TIMM23B: variants seen among roughly 807,000 people sequenced by gnomAD.
TIMM23B encodes the protein translocase of inner mitochondrial membrane 23 homolog B, also known as mitochondrial import inner membrane translocase subunit Tim23B.
A neutral mutation model predicts 27.3 loss-of-function variants in TIMM23B; 27 were observed. The observed-to-expected ratio is 0.99, with a 90% CI of 0.73 to 1.36. The LOEUF is 1.36. Ranked by LOEUF, TIMM23B falls within the 40% of genes most tolerant of loss-of-function variation. The pLI is 0.00. For synonymous variants in TIMM23B, 73 were observed against 92.4 expected, an observed-to-expected ratio of 0.79 and a Z score of 1.21; for missense variants, 205 against 244.2, an observed-to-expected ratio of 0.84 and a Z score of 1.07.
At chr10:49,964,636 TAAATGAAATGATG>T (rs1427551340) in intron 6 of TIMM23B, among the ~76,000 whole-genome samples, 1 of 114,384 alleles carries the variant, frequency 8.7e-6, no homozygotes, top group African/African-American at 3.7e-5. Context: ...AAAAATGAAA[TAAATGAAATGATG>T]AAATGAAATA....
intron 2 of TIMM23B, among the ~76,000 whole-genome samples, chr10:49,945,455 A>G (rs1283539588): frequency 6.6e-6 from 1 of 152,108 alleles, no homozygotes; most frequent in Non-Finnish European, 1.5e-5. Flanking sequence ...ATCTCTGCTC[A>G]CTGCAACCTC....
At chr10:49,955,082 TAATA>T in intron 5 of TIMM23B, 22 bp downstream of exon 5, 1 of 1,609,482 alleles carries the variant, frequency 6.2e-7, no homozygotes. Flanking sequence ...TCTCGTTTGA[TAATA>T]AATTGTTAAC....
At chr10:49,959,601 A>G (rs1839831286) in intron 6 of TIMM23B, among the ~76,000 whole-genome samples, 1 of 152,224 alleles carries the variant, frequency 6.6e-6, no homozygotes, top group East Asian at 1.9e-4. Flanking sequence ...CTTAACGTCT[A>G]AAAGATTTTA....
chr10:49,970,449 C>T (rs1314677957), intron 6 of TIMM23B: 4 of 165,856 alleles, frequency 2.4e-5, no homozygotes, highest in Non-Finnish European at 3.8e-5. Flanking sequence ...GCCGCGACCC[C>T]GTCTGGGAGG....
intron 6 of TIMM23B, among the ~76,000 whole-genome samples, chr10:49,960,962 T>C (rs1230214534): frequency 6.7e-6 from 1 of 150,082 alleles, no homozygotes; most frequent in Non-Finnish European, 1.5e-5. Flanking sequence ...GTATTAGAAT[T>C]ATCTCTGAGG....
chr10:49,942,254 A>T lies in TIMM23B; in HGVS notation c.60A>T (p.Gly20=), dbSNP rs1397324936. 1.1e-5 allele frequency: 17 copies of T among 1,612,500 alleles called. No homozygotes were observed. Among genetic ancestry groups the T allele is most frequent in the Non-Finnish European group, 1.2e-5 (14 of 1,179,320 alleles). Reference sequence around the variant, plus strand: ...CAGGGGTATTGGCCGGCTTTTTCGGAGCCGGCGAAGCAGGTTACTCGCACG... The same window carrying T: ...CAGGGGTATTGGCCGGCTTTTTCGGTGCCGGCGAAGCAGGTTACTCGCACG... The part of the protein sequence containing the change: ...KTTGVLAGFF[G]AGEAGYSHAD... Residue 20 remains glycine, a synonymous_variant, in exon 1 of 7, where the codon GGA becomes GGT. Coordinates refer to ENST00000651259, the MANE Select transcript of TIMM23B (RefSeq NM_001290117.2).
At chr10:49,957,930 T>C (rs1839779459) in intron 5 of TIMM23B, among the ~76,000 whole-genome samples, 6 of 152,202 alleles carry the variant, frequency 3.9e-5, no homozygotes. Flanking sequence ...TTCTTCTTCC[T>C]GGGTATGGGG....
At chr10:49,949,057 C>CT (rs1179985131) in intron 2 of TIMM23B, among the ~76,000 whole-genome samples, 38 of 145,956 alleles carry the variant, frequency 2.6e-4, no homozygotes, top group South Asian at 1.5e-3. Context: ...CTGGCTAATT[C>CT]TTTTTTTTTT....
chr10:49,943,737 GTTTTTTTTTTTT>G (rs35547755), intron 1 of TIMM23B, among the ~76,000 whole-genome samples: 4 of 113,612 alleles, frequency 3.5e-5, no homozygotes, highest in Non-Finnish European at 7.0e-5. Context: ...GTTTTTGTGG[GTTTTTTTTTTTT>G]TTTTTTTTTT....
At chr10:49,972,098 T>C (rs1840475974) in intron 6 of TIMM23B, among the ~76,000 whole-genome samples, 1 of 152,242 alleles carries the variant, frequency 6.6e-6, no homozygotes, top group Non-Finnish European at 1.5e-5. Context: ...AAATTACACA[T>C]ATGTAATATA....
intron 6 of TIMM23B, among the ~76,000 whole-genome samples, chr10:49,966,872 G>C (rs1358575702): frequency 1.3e-5 from 2 of 152,266 alleles, no homozygotes; most frequent in East Asian, 3.9e-4. Flanking sequence ...CTCTCTATCT[G>C]ACAGCTGCTA....
chr10:49,952,542 C>T lies in TIMM23B; in HGVS notation c.344+9C>T. On this transcript the variant is annotated intron_variant, in intron 4 of 6. Coordinates refer to ENST00000651259, the MANE Select transcript of TIMM23B (RefSeq NM_001290117.2). ...AAACCAGGAAATGTACAGTAAGTCT[C>T]TTGTAACCATCTGATGTAGTGATAC... is the stretch of plus-strand genomic sequence containing the variant. 1.2e-6 allele frequency: 2 copies of T among 1,612,794 alleles called. No individual in the cohort carries two copies. The highest frequency in any genetic ancestry group is 1.1e-5 in the South Asian group (1 of 90,960).
chr10:49,943,219 TTTTG>T (rs1839216377), intron 1 of TIMM23B: 2 of 152,122 alleles, frequency 1.3e-5, no homozygotes, highest in East Asian at 1.9e-4. Flanking sequence ...TTCGTTTTTT[TTTTG>T]TTTGTTTTTA....
chr10:49,971,215 A>G (rs879954374), intron 6 of TIMM23B, among the ~76,000 whole-genome samples: 145 of 152,128 alleles, frequency 9.5e-4, no homozygotes, highest in Non-Finnish European at 1.8e-3. Flanking sequence ...TCCTCTGCCT[A>G]GGAAAACCAG....
intron 6 of TIMM23B, among the ~76,000 whole-genome samples, chr10:49,966,275 CGAAAT>C (rs1453302951): frequency 2.0e-5 from 3 of 146,442 alleles, no homozygotes; most frequent in African/African-American, 5.1e-5. Context: ...GTCTCTGTCT[CGAAAT>C]GAAATGAAGT....
intron 6 of TIMM23B, among the ~76,000 whole-genome samples, chr10:49,964,301 T>A (rs191813161): frequency 6.6e-6 from 1 of 151,714 alleles, no homozygotes; most frequent in East Asian, 2.0e-4. Context: ...AGAGCGCGTC[T>A]CCGTCTTGAA....
intron 1 of TIMM23B, among the ~76,000 whole-genome samples, chr10:49,942,580 T>G (rs1453233808): frequency 4.6e-5 from 7 of 152,146 alleles, no homozygotes; most frequent in African/African-American, 1.7e-4. Flanking sequence ...GTACGTTTTG[T>G]GTGTGGTGGG....
intron 6 of TIMM23B, among the ~76,000 whole-genome samples, chr10:49,968,488 T>C (rs1840267903): frequency 1.3e-5 from 2 of 151,264 alleles, no homozygotes; most frequent in Admixed American, 1.3e-4. Context: ...CAAAAAAAGC[T>C]GCCTTTCAGA....
chr10:49,944,367 G>A (rs1470904523), intron 1 of TIMM23B, among the ~76,000 whole-genome samples: 1 of 152,070 alleles, frequency 6.6e-6, no homozygotes, highest in African/African-American at 2.4e-5. Flanking sequence ...TGAAAAGATA[G>A]AGGCATGGGT....
Sources: gnomAD v4.1 joint callset for allele counts (sites outside exome capture counted in the v4.1 genomes callset) on GRCh38, gnomAD v4.1.1 for gene constraint, MANE v1.5 for transcripts, NCBI Gene and HGNC (gene_info 2026-07-23, HGNC 2026-07-21) for gene names.